TAFA4: variants seen among roughly 807,000 people sequenced by gnomAD.
TAFA4 encodes chemokine-like protein TAFA-4.
Under a neutral mutation model 21.1 loss-of-function variants are expected in TAFA4, and 20 were observed. That is an observed-to-expected ratio of 0.95 (90% CI 0.67 to 1.38). The LOEUF (loss-of-function observed/expected upper bound fraction) is 1.38. TAFA4 is among the 40% of genes most tolerant of loss of function. The pLI is 0.00. For synonymous variants in TAFA4, 71 were observed against 67.4 expected (o/e 1.05, Z -0.26); for missense variants, 211 against 180.9 (o/e 1.17, Z -0.95).
intron 1 of TAFA4, among the ~76,000 whole-genome samples, chr3:68,911,162 G>T (rs996891337): frequency 6.6e-6 from 1 of 152,180 alleles, no homozygotes. Context: ...TTTGGGAGGA[G>T]AGCAATTATG....
chr3:68,786,958 G>T (rs1018114096), intron 3 of TAFA4, among the ~76,000 whole-genome samples: 2 of 151,960 alleles, frequency 1.3e-5, no homozygotes, highest in African/African-American at 4.8e-5. Context: ...GGACAGAGGA[G>T]AAAAAATAAA....
intron 1 of TAFA4, among the ~76,000 whole-genome samples, chr3:68,907,805 G>A (rs1201073196): frequency 6.6e-6 from 1 of 152,204 alleles, no homozygotes; most frequent in Non-Finnish European, 1.5e-5. Flanking sequence ...CAGGAGAATA[G>A]GAGATGTACC....
At chr3:68,835,769 T>C (rs757971661) in intron 3 of TAFA4, among the ~76,000 whole-genome samples, 3 of 152,230 alleles carry the variant, frequency 2.0e-5, no homozygotes, top group Non-Finnish European at 2.9e-5. Flanking sequence ...ACTCCTCAAA[T>C]GAGTCTTTGT....
At chr3:68,769,650 C>T (rs1299612355) in intron 3 of TAFA4, among the ~76,000 whole-genome samples, 1 of 152,178 alleles carries the variant, frequency 6.6e-6, no homozygotes, top group Non-Finnish European at 1.5e-5. Flanking sequence ...TTACACAATG[C>T]ATACATGTAT....
At chr3:68,806,002 AT>A (rs1281379992) in intron 3 of TAFA4, among the ~76,000 whole-genome samples, 1 of 152,110 alleles carries the variant, frequency 6.6e-6, no homozygotes, top group African/African-American at 2.4e-5. Context: ...GAAGAAAAAA[AT>A]TAAAATAAAA....
chr3:68,738,213 C>T (rs1702278407), intron 5 of TAFA4, among the ~76,000 whole-genome samples: 1 of 152,110 alleles, frequency 6.6e-6, no homozygotes, highest in Non-Finnish European at 1.5e-5. Context: ...ACAGCCCATG[C>T]CAAAGGACCA....
chr3:68,922,295 G>A (rs1052477945), intron 1 of TAFA4, among the ~76,000 whole-genome samples: 1 of 152,164 alleles, frequency 6.6e-6, no homozygotes, highest in African/African-American at 2.4e-5. Flanking sequence ...AAACTCTTGA[G>A]GTGAGGCCAG....
At position 68,886,252 on chromosome 3, in the gene TAFA4, T is replaced by C. The variant is rs539884315; in HGVS notation, c.-122-942A>G. Reference sequence around the variant, plus strand: ...TTTGATTAGAGAACACTTTCGGTGATAAATTTGAAGACTCACCACTTTGGG... The same window carrying C: ...TTTGATTAGAGAACACTTTCGGTGACAAATTTGAAGACTCACCACTTTGGG... On this transcript the variant is annotated intron_variant, in intron 1 of 5. Coordinates refer to ENST00000295569, the MANE Select transcript of TAFA4 (RefSeq NM_182522.5). 2.6e-5 allele frequency among the ~76,000 whole-genome samples: 4 copies of C among 152,338 alleles called. No homozygotes were observed. The East Asian group carries it at 7.7e-4, about 29-fold the overall frequency.
intron 3 of TAFA4, among the ~76,000 whole-genome samples, chr3:68,845,057 A>C (rs982362540): frequency 2.0e-5 from 3 of 152,292 alleles, no homozygotes; most frequent in African/African-American, 7.2e-5. Flanking sequence ...AGCTGAGTTC[A>C]AGTTCTGAAT....
intron 4 of TAFA4, among the ~76,000 whole-genome samples, chr3:68,749,007 C>G (rs1056718864): frequency 8.5e-5 from 13 of 152,140 alleles, no homozygotes; most frequent in African/African-American, 3.1e-4. Flanking sequence ...CCTGTATATG[C>G]CAGCCGAAGA....
intron 3 of TAFA4, among the ~76,000 whole-genome samples, chr3:68,808,977 C>T (rs11717621): frequency 0.27 from 41,702 of 152,032 alleles, 7,085 homozygotes; most frequent in Non-Finnish European, 0.39. Flanking sequence ...CACTTTTGTC[C>T]AGGAGGTACA....
At chr3:68,862,855 T>TCACACA (rs145463746) in intron 3 of TAFA4, among the ~76,000 whole-genome samples, 44,843 of 148,382 alleles carry the variant, frequency 0.3, 7,077 homozygotes, top group Non-Finnish European at 0.36. Flanking sequence ...AAAAGAATTT[T>TCACACA]CACACACACA....
chr3:68,873,737 T>G (rs546752727), intron 3 of TAFA4, among the ~76,000 whole-genome samples: 36 of 152,298 alleles, frequency 2.4e-4, no homozygotes, highest in African/African-American at 7.5e-4. Context: ...CACTATTTCT[T>G]GCAAATGCTT....
Position 68,802,699 on chromosome 3 carries a change from GCA to G in TAFA4, c.131-49683_131-49682del, listed in dbSNP as rs150167199. Among the ~76,000 whole-genome samples the G allele has an allele frequency of 1.6e-3, 241 of 152,266 alleles. 3 individuals are homozygous for G. In the East Asian group the frequency reaches 0.039, roughly 25 times the overall value. On this transcript the variant is annotated intron_variant, in intron 3 of 5. Transcript: ENST00000295569. ...ACACAATAGTGCTGAACAACACAGA[GCA>G]CACAGAGAACTGTCTGACACATATA...
chr3:68,808,095 TG>T (rs1298389188), intron 3 of TAFA4, among the ~76,000 whole-genome samples: 1 of 151,704 alleles, frequency 6.6e-6, no homozygotes, highest in Non-Finnish European at 1.5e-5. Flanking sequence ...TAGAAAAAAA[TG>T]GGGTGGGGTT....
intron 3 of TAFA4, among the ~76,000 whole-genome samples, chr3:68,786,802 G>T (rs1295769765): frequency 6.6e-6 from 1 of 152,106 alleles, no homozygotes; most frequent in Non-Finnish European, 1.5e-5. Context: ...TCAGCTACAG[G>T]AAATCATTTT....
chr3:68,752,991 C>T lies in TAFA4; in HGVS notation c.158G>A (p.Cys53Tyr), dbSNP rs201536721. The stretch of plus-strand genomic sequence containing the variant: ...GCACCTGTGCACGGCGACCACCTCA[C>T]AGGTCCCTTGCTTGATTTGGTGGTG... Reference protein sequence around the residue: ...AGHHQIKQGTCEVVAVHRCCN... With the variant: ...AGHHQIKQGTYEVVAVHRCCN... Residue 53 changes from cysteine to tyrosine, a missense_variant, in exon 4 of 6, where the codon TGT (cysteine) becomes TAT (tyrosine). Coordinates refer to ENST00000295569, the MANE Select transcript of TAFA4 (RefSeq NM_182522.5). The T allele has an allele frequency of 3.8e-5, 62 of 1,613,742 alleles. No homozygotes were observed. Among genetic ancestry groups the T allele is most frequent in the Non-Finnish European group, 6.8e-6 (8 of 1,179,974 alleles).
At chr3:68,900,553 T>G (rs2089835709) in intron 1 of TAFA4, among the ~76,000 whole-genome samples, 1 of 152,060 alleles carries the variant, frequency 6.6e-6, no homozygotes, top group South Asian at 2.1e-4. Context: ...CTCTACTCAC[T>G]AGCTAAAATC....
chr3:68,761,444 C>T (rs1257940114), intron 3 of TAFA4, among the ~76,000 whole-genome samples: 5 of 151,988 alleles, frequency 3.3e-5, no homozygotes, highest in Admixed American at 6.6e-5. Flanking sequence ...AAGAAACTAA[C>T]ATTTGAGTAC....
Sources: allele counts gnomAD v4.1 joint callset (sites outside exome capture counted in the v4.1 genomes callset), GRCh38; gene constraint gnomAD v4.1.1; transcripts MANE v1.5; gene names NCBI Gene and HGNC (gene_info 2026-07-23, HGNC 2026-07-21).